Variants in DNAI7 observed in about 807,000 individuals in gnomAD.
The protein encoded by DNAI7 is cancer susceptibility 1.
Under a neutral mutation model 86.6 loss-of-function variants are expected in DNAI7, and 78 were observed. The observed-to-expected ratio is 0.90, with a 90% CI of 0.75 to 1.09. DNAI7 has a LOEUF of 1.09. Ranked by LOEUF, DNAI7 falls within the 50% of genes least tolerant of loss-of-function variation. The pLI, the probability that DNAI7 is intolerant of heterozygous loss-of-function variation, is 0.00. For missense variants in DNAI7, 753 were observed against 810.2 expected (o/e 0.93, Z 0.86); for synonymous variants, 274 against 273.0 (o/e 1.00, Z -0.04).
chr12:25,155,805 G>A (rs557313712), intron 4 of DNAI7, among the ~76,000 whole-genome samples: 2 of 152,356 alleles, frequency 1.3e-5, no homozygotes, highest in South Asian at 2.1e-4. Context: ...GAAGGAGCCA[G>A]CTTCACAAAA....
At position 25,108,311 on chromosome 12, in the gene DNAI7, A is replaced by C. The variant is rs1949367673; in HGVS notation, c.*237T>G. On this transcript the variant is annotated 3_prime_UTR_variant, in exon 16 of 16. Coordinates refer to ENST00000395987, the MANE Select transcript of DNAI7 (RefSeq NM_018272.5). ...ATATATTGTTTGTTAAAGTTTATTG[A>C]AATAAAGAATCATTTAAATCTTCAT... 1 of 546,404 alleles carries C rather than the reference A, an allele frequency of 1.8e-6. No homozygotes were observed. The highest frequency in any genetic ancestry group is 3.1e-6 in the Non-Finnish European group (1 of 321,794). The allele number at this position is 546,404 out of a possible 1,614,324, so 33.8% of individuals were successfully genotyped here.
chr12:25,112,414 T>G (rs1227936092), intron 13 of DNAI7, among the ~76,000 whole-genome samples: 1 of 143,276 alleles, frequency 7.0e-6, no homozygotes. Context: ...TTTTTTTTTT[T>G]TTTTTTTTTT....
chr12:25,147,142 G>A (rs761741112), intron 7 of DNAI7, 38 bp from the exon 8 acceptor site: 3 of 1,015,204 alleles, frequency 3.0e-6, no homozygotes, highest in East Asian at 4.8e-5. Context: ...AGGGCCACAG[G>A]CCTCATAAAT....
chr12:25,107,918 C>T, downstream of DNAI7: 1 of 1,614,186 alleles, frequency 6.2e-7, no homozygotes, highest in Non-Finnish European at 8.5e-7. Flanking sequence ...CTGTTTGCAG[C>T]TTTGATGAGC....
intron 2 of DNAI7, among the ~76,000 whole-genome samples, chr12:25,173,412 C>T (rs915350637): frequency 6.6e-6 from 1 of 152,082 alleles, no homozygotes; most frequent in South Asian, 2.1e-4. Flanking sequence ...CTACTTTACT[C>T]CTGCAAGAAT....
intron 2 of DNAI7, among the ~76,000 whole-genome samples, chr12:25,166,900 G>T (rs1374307986): frequency 6.6e-6 from 1 of 152,016 alleles, no homozygotes; most frequent in Non-Finnish European, 1.5e-5. Flanking sequence ...TCTCCCACCT[G>T]ATGCATATAC....
intron 6 of DNAI7, among the ~76,000 whole-genome samples, chr12:25,150,342 T>C (rs554930136): frequency 3.9e-4 from 59 of 152,218 alleles, no homozygotes; most frequent in East Asian, 3.3e-3. Flanking sequence ...CAGTGGCTCA[T>C]GCCTGCAATC....
chr12:25,159,983 T>C (rs1054131153), intron 3 of DNAI7, among the ~76,000 whole-genome samples: 10 of 152,184 alleles, frequency 6.6e-5, no homozygotes, highest in South Asian at 6.2e-4. Flanking sequence ...CAAATAAATA[T>C]TATAAAACTG....
intron 4 of DNAI7, among the ~76,000 whole-genome samples, chr12:25,156,433 A>G (rs919905997): frequency 6.6e-6 from 1 of 152,174 alleles, no homozygotes; most frequent in Non-Finnish European, 1.5e-5. Context: ...CTATCACTGT[A>G]AGCTTGAAAG....
chr12:25,183,687 T>TC (rs1214223349), intron 2 of DNAI7, among the ~76,000 whole-genome samples: 1 of 152,092 alleles, frequency 6.6e-6, no homozygotes, highest in Admixed American at 6.6e-5. Flanking sequence ...TCCTTCTGCC[T>TC]CAGTCTCCCA....
intron 2 of DNAI7, among the ~76,000 whole-genome samples, chr12:25,181,097 C>T (rs1301396325): frequency 1.3e-5 from 2 of 152,090 alleles, no homozygotes; most frequent in African/African-American, 2.4e-5. Context: ...CATGAGCCAT[C>T]GTGCCCGGCC....
chr12:25,163,354 C>T (rs1053926798), intron 2 of DNAI7, among the ~76,000 whole-genome samples: 2 of 152,116 alleles, frequency 1.3e-5, no homozygotes, highest in African/African-American at 2.4e-5. Flanking sequence ...TAACTGATGA[C>T]ATTATCTTGT....
chr12:25,114,624 G>C (rs753398807), intron 13 of DNAI7, 32 bp downstream of exon 13: 2 of 1,437,340 alleles, frequency 1.4e-6, no homozygotes, highest in Non-Finnish European at 2.0e-6. Flanking sequence ...CCTCTGATAC[G>C]ATAGTACATA....
chr12:25,121,231 T>A (rs1050597941), intron 11 of DNAI7, among the ~76,000 whole-genome samples: 2 of 152,190 alleles, frequency 1.3e-5, no homozygotes. Flanking sequence ...GGAACACATA[T>A]TAACAACCAC....
At chr12:25,142,311 A>G (rs910231872) in intron 9 of DNAI7, among the ~76,000 whole-genome samples, 8 of 152,016 alleles carry the variant, frequency 5.3e-5, no homozygotes, top group African/African-American at 1.7e-4. Context: ...ATGCAAATGC[A>G]TAAGAATGAT....
intron 9 of DNAI7, among the ~76,000 whole-genome samples, chr12:25,126,451 A>G (rs978603944): frequency 2.0e-5 from 3 of 152,160 alleles, no homozygotes; most frequent in Admixed American, 1.3e-4. Flanking sequence ...GACCTACCCA[A>G]GGCAGAAGCA....
Position 25,108,571 on chromosome 12 carries a change from T to C in DNAI7, c.2146A>G (p.Thr716Ala), listed in dbSNP as rs1381480249. ...VNSVCHMLLS[T>A]RLLSYS ...GGTTAGGAGTAGCTGAGCAATCTGG[T>C]AGAGAGCAGCATGTGGCACACAGAG... is the stretch of plus-strand genomic sequence containing the variant. Residue 716 changes from threonine (T) to alanine (A), a missense_variant, in exon 16 of 16, where the codon ACC becomes GCC. By Grantham distance (58) the Thr-to-Ala change is moderately conservative. Coordinates refer to ENST00000395987, the MANE Select transcript of DNAI7 (RefSeq NM_018272.5). 2 of 1,613,448 alleles carry C rather than the reference T, an allele frequency of 1.2e-6. No homozygotes were observed. The highest frequency in any genetic ancestry group is 2.7e-5 in the African/African-American group (2 of 74,886).
intron 5 of DNAI7, 133 bp from the exon 6 acceptor site, chr12:25,154,589 T>C: frequency 2.5e-6 from 2 of 786,700 alleles, no homozygotes; most frequent in Non-Finnish European, 4.0e-6. Flanking sequence ...CTTTAACCAG[T>C]AACTTGAGAG....
chr12:25,149,779 A>G lies in DNAI7; in HGVS notation c.439-5T>C, dbSNP rs144446249. ...AAATTTCAATTTCTCAATTAACTGT[A>G]AAGTAAAAGAATATTTGCATTAATT... On this transcript the variant is annotated splice_region_variant and splice_polypyrimidine_tract_variant and intron_variant, in intron 6 of 15. Transcript: ENST00000395987. 5.9e-5 allele frequency: 86 copies of G among 1,450,286 alleles called. No homozygotes were observed. The African/African-American group carries it at 1.1e-3, about 19-fold the overall frequency. The allele number at this position is 1,450,286 out of a possible 1,614,324, so 89.8% of individuals were successfully genotyped here.
Sources: gnomAD v4.1 joint callset for allele counts (sites outside exome capture counted in the v4.1 genomes callset) on GRCh38, gnomAD v4.1.1 for gene constraint, MANE v1.5 for transcripts, NCBI Gene and HGNC (gene_info 2026-07-23, HGNC 2026-07-21) for gene names.